The following ZPBP variants were observed in gnomAD, a reference collection of about 807,000 sequenced individuals.
The protein encoded by ZPBP is zona pellucida binding protein, also known as zona pellucida-binding protein 1.
In ZPBP, 26 loss-of-function variants were observed where a neutral mutation model predicts 44.8. The ratio of observed to expected loss-of-function variants is 0.58; its 90% confidence interval spans 0.43 to 0.81. ZPBP has a LOEUF of 0.81. ZPBP is among the 30% of genes least tolerant of loss of function. The probability of loss-of-function intolerance (pLI) is 0.00; values close to 1 mark genes in which losing one functional copy is unlikely to be tolerated. For missense variants in ZPBP, 409 were observed against 434.0 expected, an observed-to-expected ratio of 0.94 and a Z score of 0.51; for synonymous variants, 174 against 153.2, an observed-to-expected ratio of 1.14 and a Z score of -1.00.
Position 50,093,111 on chromosome 7 carries a change from G to A in ZPBP, c.84C>T (p.Ile28=), listed in dbSNP as rs577333376. ...CCAGGAAGGCGGAGATAAAGAGGAGGATGGCGGCCCGAGAGAGCAGGGAGC... is the reference window on the plus strand; with the variant it reads ...CCAGGAAGGCGGAGATAAAGAGGAGAATGGCGGCCCGAGAGAGCAGGGAGC... ...AAGSLLSRAA[I]LLFISAFLVR... Residue 28 remains isoleucine, a synonymous_variant, in exon 1 of 8, where the codon ATC becomes ATT. Transcript: ENST00000046087. The A allele has an allele frequency of 2.4e-5, 39 of 1,591,908 alleles. No homozygotes were observed. In the East Asian group the frequency reaches 8.7e-4, roughly 35 times the overall value.
At chr7:49,917,402 T>C (rs999710761) in intron 1 of ZPBP, 5 of 152,178 alleles carry the variant, frequency 3.3e-5, no homozygotes, top group Middle Eastern at 3.2e-3. Flanking sequence ...TCAATAGAAT[T>C]AGGAAACTTA....
At position 49,916,260 on chromosome 7, in the gene ZPBP, C is replaced by T. The variant is rs549213760; in HGVS notation, n.412-15045G>A. On this transcript the variant is annotated intron_variant and non_coding_transcript_variant, in intron 1 of 2. Transcript: ENST00000465922. The stretch of plus-strand genomic sequence containing the variant: ...CCTCAACATGGAAGACTGGTGTCTT[C>T]ACAATTAGATCATGGACAACACCAT... The T allele has an allele frequency of 2.6e-5, 4 of 152,288 alleles. No homozygotes were observed. In the South Asian group the frequency reaches 6.2e-4, roughly 24 times the overall value. 9.4% of individuals were successfully genotyped at this position (152,288 alleles called of 1,614,324 possible). A position where few individuals can be genotyped will look rare whatever the true frequency, so the allele number is the denominator to read the frequency against.
At chr7:49,842,960 T>C in the ZPBP span, among the ~76,000 whole-genome samples, 1 of 152,284 alleles carries the variant, frequency 6.6e-6, no homozygotes, top group East Asian at 1.9e-4. Context: ...GGGTGTACTG[T>C]GTGATGCTGA....
At chr7:49,928,159 C>T (rs1242058759) in intron 1 of ZPBP, among the ~76,000 whole-genome samples, 4 of 152,148 alleles carry the variant, frequency 2.6e-5, no homozygotes. Context: ...TTGTTCATGA[C>T]CCTATTGGCA....
At chr7:49,896,617 A>C (rs1792394568) in intron 2 of ZPBP, among the ~76,000 whole-genome samples, 1 of 152,198 alleles carries the variant, frequency 6.6e-6, no homozygotes, top group Non-Finnish European at 1.5e-5. Context: ...TGGTTCTTTG[A>C]AAAGATCAAC....
At chr7:49,942,061 A>T (rs1794909840) in intron 7 of ZPBP, among the ~76,000 whole-genome samples, 1 of 152,166 alleles carries the variant, frequency 6.6e-6, no homozygotes, top group Non-Finnish European at 1.5e-5. Context: ...ATATACACAG[A>T]CAACTAAATG....
At chr7:49,985,661 C>A (rs68013334) in intron 6 of ZPBP, among the ~76,000 whole-genome samples, 779 of 69,730 alleles carry the variant, frequency 0.011, 12 homozygotes, top group African/African-American at 0.021. Flanking sequence ...AAAAAAAAAA[C>A]CTAAATGAAG....
At chr7:49,910,771 CTG>C (rs1793365327) in intron 1 of ZPBP, among the ~76,000 whole-genome samples, 1 of 152,078 alleles carries the variant, frequency 6.6e-6, no homozygotes. Context: ...TCATGGAAAA[CTG>C]TGAAAGATAG....
At chr7:49,978,467 T>C (rs1342955836) in intron 7 of ZPBP, among the ~76,000 whole-genome samples, 3 of 152,078 alleles carry the variant, frequency 2.0e-5, no homozygotes, top group Non-Finnish European at 4.4e-5. Flanking sequence ...CACTAATTTA[T>C]AAGGAAACAA....
At chr7:50,012,165 C>G (rs1423380422) in intron 6 of ZPBP, among the ~76,000 whole-genome samples, 4 of 151,826 alleles carry the variant, frequency 2.6e-5, no homozygotes, top group Middle Eastern at 3.4e-3. Context: ...ATATTAGAAG[C>G]AATTTCATGC....
At chr7:49,849,173 T>C (rs906170611), downstream of ZPBP, among the ~76,000 whole-genome samples, 12 of 152,196 alleles carry the variant, frequency 7.9e-5, no homozygotes, top group Admixed American at 5.2e-4. Flanking sequence ...GAAACCCCAC[T>C]GGATCCCGTG....
In ZPBP at chr7:50,021,966, T is replaced by C. The variant is rs556222270; in HGVS notation, c.707-3650A>G. ...AAGAAAGAAGTAATTTGTCACATAC[T>C]AGGTGTCCACAATAAGACGAACATC... is the stretch of plus-strand genomic sequence containing the variant. On this transcript the variant is annotated intron_variant, in intron 5 of 7. Coordinates refer to ENST00000046087, the MANE Select transcript of ZPBP (RefSeq NM_007009.3). Among the ~76,000 whole-genome samples the C allele has an allele frequency of 9.2e-5, 14 of 152,238 alleles. 1 individual carries two copies. Among genetic ancestry groups the C allele is most frequent in the African/African-American group, 3.1e-4 (13 of 41,562 alleles).
intron 7 of ZPBP, among the ~76,000 whole-genome samples, chr7:49,972,438 A>G (rs982398979): frequency 2.0e-5 from 3 of 152,056 alleles, no homozygotes; most frequent in African/African-American, 7.2e-5. Flanking sequence ...ATTTCTGTAC[A>G]TTAGCAATGA....
At chr7:49,996,272 TG>T (rs1467811785) in intron 6 of ZPBP, among the ~76,000 whole-genome samples, 1 of 152,142 alleles carries the variant, frequency 6.6e-6, no homozygotes, top group Non-Finnish European at 1.5e-5. Context: ...CTGCTAAATA[TG>T]TCTGTTCCAA....
chr7:49,982,290 TAA>T (rs1362052507), intron 7 of ZPBP, among the ~76,000 whole-genome samples: 4 of 46,982 alleles, frequency 8.5e-5, no homozygotes, highest in African/African-American at 1.3e-4. Flanking sequence ...TAATTATACA[TAA>T]TATATATAAT....
intron 6 of ZPBP, among the ~76,000 whole-genome samples, chr7:50,016,511 C>A (rs1008428189): frequency 6.6e-6 from 1 of 151,834 alleles, no homozygotes; most frequent in African/African-American, 2.4e-5. Flanking sequence ...TGGAATTTAC[C>A]CATGTAACAA....
At chr7:50,047,562 A>C (rs1246694668) in intron 4 of ZPBP, among the ~76,000 whole-genome samples, 1 of 151,886 alleles carries the variant, frequency 6.6e-6, no homozygotes, top group African/African-American at 2.4e-5. Flanking sequence ...ATAGCCTTAC[A>C]TGATTTTTAT....
intron 2 of ZPBP, among the ~76,000 whole-genome samples, chr7:50,087,447 T>A (rs1331471072): frequency 6.6e-6 from 1 of 151,934 alleles, no homozygotes; most frequent in Non-Finnish European, 1.5e-5. Context: ...AAAAAGCATT[T>A]AGCAAAATTC....
At chr7:49,844,717 A>G in the ZPBP span, among the ~76,000 whole-genome samples, 2 of 151,770 alleles carry the variant, frequency 1.3e-5, no homozygotes, top group African/African-American at 4.8e-5. Context: ...TTTGAGACGG[A>G]GTTTGGCTCT....
Sources: gnomAD v4.1 joint callset for allele counts (sites outside exome capture counted in the v4.1 genomes callset) on GRCh38, gnomAD v4.1.1 for gene constraint, MANE v1.5 for transcripts, NCBI Gene and HGNC (gene_info 2026-07-23, HGNC 2026-07-21) for gene names.